Variants in CYP2J2 observed in about 807,000 individuals in gnomAD.
CYP2J2 encodes the protein cytochrome P450 family 2 subfamily J member 2, also known as cytochrome P450 2J2.
Under a neutral mutation model 48.8 loss-of-function variants are expected in CYP2J2, and 41 were observed. That is an observed-to-expected ratio of 0.84 (90% CI 0.66 to 1.09). The LOEUF is 1.09. Among genes scored for constraint, CYP2J2 ranks in the 50% least tolerant of loss-of-function variants. CYP2J2 has a pLI of 0.00. For synonymous variants in CYP2J2, 221 were observed against 227.1 expected, an observed-to-expected ratio of 0.97 and a Z score of 0.24; for missense variants, 644 against 617.3, an observed-to-expected ratio of 1.04 and a Z score of -0.46.
At chr1:59,959,676 C>CATATGT in the CYP2J2 span, among the ~76,000 whole-genome samples, 1 of 151,380 alleles carries the variant, frequency 6.6e-6, no homozygotes, top group Non-Finnish European at 1.5e-5. Context: ...CATATATATA[C>CATATGT]ATATGTATAT....
chr1:59,933,466 C>A, the CYP2J2 span, among the ~76,000 whole-genome samples: 22 of 152,192 alleles, frequency 1.4e-4, no homozygotes, highest in African/African-American at 5.1e-4. Context: ...TAAAAAATAT[C>A]CCTTTCAGAT....
chr1:59,968,265 G>A, the CYP2J2 span, among the ~76,000 whole-genome samples: 1 of 152,164 alleles, frequency 6.6e-6, no homozygotes, highest in Non-Finnish European at 1.5e-5. Flanking sequence ...GGAGTCAGAT[G>A]AAAATATTTG....
intron 5 of CYP2J2, among the ~76,000 whole-genome samples, chr1:59,908,393 T>C (rs2102119371): frequency 6.6e-6 from 1 of 152,324 alleles, no homozygotes; most frequent in African/African-American, 2.4e-5. Context: ...GAGCAAATAC[T>C]CAACAAACAT....
chr1:59,958,535 C>G, the CYP2J2 span, among the ~76,000 whole-genome samples: 1 of 142,772 alleles, frequency 7.0e-6, no homozygotes, highest in Non-Finnish European at 1.5e-5. Context: ...CCTTTCCTTC[C>G]TAGAACATCC....
At chr1:59,941,297 A>T in the CYP2J2 span, among the ~76,000 whole-genome samples, 470 of 152,302 alleles carry the variant, frequency 3.1e-3, 4 homozygotes, top group African/African-American at 0.011. Flanking sequence ...GAGCTGAAAA[A>T]TTCCTATCTC....
chr1:59,917,933 A>G (rs1644481139), intron 1 of CYP2J2, among the ~76,000 whole-genome samples: 3 of 152,096 alleles, frequency 2.0e-5, no homozygotes, highest in South Asian at 2.1e-4. Context: ...CCTGTTCCTA[A>G]TGGTCCCCAT....
rs771840179 is a variant in CYP2J2 at position 59,916,119 on chromosome 1, G to A, written c.211-19C>T. Reference sequence around the variant, plus strand: ...TCACAAACTGAAAAATAGTTAAATCGTAACAGTTGAATATGCACATGTCCA... The same window carrying A: ...TCACAAACTGAAAAATAGTTAAATCATAACAGTTGAATATGCACATGTCCA... On this transcript the variant is annotated intron_variant, in intron 1 of 8. Coordinates refer to ENST00000371204, the MANE Select transcript of CYP2J2 (RefSeq NM_000775.4). The A allele has an allele frequency of 3.4e-5, 55 of 1,601,138 alleles. No individual in the cohort carries two copies. The highest frequency in any genetic ancestry group is 4.2e-5 in the Non-Finnish European group (49 of 1,172,782).
chr1:59,954,143 A>C, the CYP2J2 span, among the ~76,000 whole-genome samples: 1 of 152,028 alleles, frequency 6.6e-6, no homozygotes, highest in Non-Finnish European at 1.5e-5. Context: ...TGTCACATCC[A>C]CTCCTCCATC....
rs750951361 is a variant in CYP2J2 at position 59,893,795 on chromosome 1, C to A, written c.1365G>T (p.Arg455Ser). 3 of 1,611,716 alleles carry A rather than the reference C, an allele frequency of 1.9e-6. No homozygotes were observed. The highest frequency in any genetic ancestry group is 3.4e-5 in the Admixed American group (2 of 59,634). Residue 455 changes from arginine to serine, a missense_variant, in exon 9 of 9, where the codon AGG becomes AGT. Transcript: ENST00000371204. ...AAGTGAAGAAAATAAACAGCTCAGT[C>A]CTGGCCAACTGTTCTCCGAGGCATG... ...KRACLGEQLARTELFIFFTSL... is the reference protein window; with the variant it reads ...KRACLGEQLASTELFIFFTSL...
At chr1:59,904,007 T>C (rs1009444076) in intron 7 of CYP2J2, among the ~76,000 whole-genome samples, 2 of 152,242 alleles carry the variant, frequency 1.3e-5, no homozygotes, top group African/African-American at 4.8e-5. Flanking sequence ...GCTTAATACA[T>C]GTTCACTCCT....
At chr1:59,918,670 G>GAA (rs370041144) in intron 1 of CYP2J2, among the ~76,000 whole-genome samples, 1 of 129,932 alleles carries the variant, frequency 7.7e-6, no homozygotes, top group East Asian at 2.2e-4. Context: ...AATGAGCCAC[G>GAA]AAAAAAAAAA....
At chr1:59,905,094 C>T (rs764886676) in intron 6 of CYP2J2, 36 bp from the exon 7 acceptor site, 12 of 1,587,772 alleles carry the variant, frequency 7.6e-6, no homozygotes, top group East Asian at 2.2e-5. Context: ...ATTTTTTAAA[C>T]TTTTATGCTT....
chr1:59,947,986 G>A, the CYP2J2 span, among the ~76,000 whole-genome samples: 1 of 152,146 alleles, frequency 6.6e-6, no homozygotes, highest in Non-Finnish European at 1.5e-5. Context: ...TGGTTCTTTC[G>A]GTTTTGCATC....
At chr1:59,934,779 A>G in the CYP2J2 span, among the ~76,000 whole-genome samples, 2 of 151,758 alleles carry the variant, frequency 1.3e-5, no homozygotes, top group Non-Finnish European at 2.9e-5. Context: ...TGGTACAACC[A>G]TTATGAAATA....
At chr1:59,941,117 G>A in the CYP2J2 span, among the ~76,000 whole-genome samples, 55 of 152,346 alleles carry the variant, frequency 3.6e-4, no homozygotes, top group African/African-American at 1.3e-3. Context: ...AATGTACTCT[G>A]TGACAGATTG....
At chr1:59,943,225 G>A in the CYP2J2 span, among the ~76,000 whole-genome samples, 22 of 152,176 alleles carry the variant, frequency 1.4e-4, no homozygotes, top group Non-Finnish European at 2.8e-4. Flanking sequence ...AATATAGAGA[G>A]AGAATCAAGA....
chr1:59,947,701 T>C, the CYP2J2 span, among the ~76,000 whole-genome samples: 1 of 152,188 alleles, frequency 6.6e-6, no homozygotes, highest in African/African-American at 2.4e-5. Flanking sequence ...AAGGTGTGAA[T>C]TCCTGAGAAA....
At chr1:59,900,421 T>G (rs1244739894) in intron 8 of CYP2J2, among the ~76,000 whole-genome samples, 1 of 152,126 alleles carries the variant, frequency 6.6e-6, no homozygotes, top group Admixed American at 6.5e-5. Context: ...TCACCTGAGG[T>G]CAGGAGTTCG....
intron 1 of CYP2J2, among the ~76,000 whole-genome samples, chr1:59,925,059 G>A (rs1263466234): frequency 6.6e-6 from 1 of 151,986 alleles, no homozygotes; most frequent in Non-Finnish European, 1.5e-5. Flanking sequence ...AATTAAGAGG[G>A]ACATTACAGG....
Sources: allele counts gnomAD v4.1 joint callset (sites outside exome capture counted in the v4.1 genomes callset), GRCh38; gene constraint gnomAD v4.1.1; transcripts MANE v1.5; gene names NCBI Gene and HGNC (gene_info 2026-07-23, HGNC 2026-07-21).